ATP13A4: variants seen among roughly 807,000 people sequenced by gnomAD.
ATP13A4 encodes ATPase 13A4.
A neutral mutation model predicts 142.5 loss-of-function variants in ATP13A4; 114 were observed. The ratio of observed to expected loss-of-function variants is 0.80; its 90% CI spans 0.69 to 0.93. ATP13A4 has a LOEUF of 0.93. Ranked by LOEUF, ATP13A4 falls within the 40% of genes least tolerant of loss-of-function variation. The pLI is 0.00. For synonymous variants in ATP13A4, 488 were observed against 514.8 expected, an observed-to-expected ratio of 0.95 and a Z score of 0.70; for missense variants, 1,392 against 1,454.0, an observed-to-expected ratio of 0.96 and a Z score of 0.69.
intron 7 of ATP13A4, 28 bp from the exon 8 acceptor site, chr3:193,484,033 C>A: frequency 6.4e-7 from 1 of 1,558,760 alleles, no homozygotes; most frequent in South Asian, 1.1e-5. Flanking sequence ...ATGGAAAAGT[C>A]TTATCTATTT....
At chr3:193,585,003 T>C (rs1326755050) in intron 1 of ATP13A4, among the ~76,000 whole-genome samples, 1 of 152,234 alleles carries the variant, frequency 6.6e-6, no homozygotes, top group Non-Finnish European at 1.5e-5. Context: ...TAGAGCATCA[T>C]ATAAATGGAT....
At chr3:193,588,289 G>T (rs1243815664) in intron 1 of ATP13A4, among the ~76,000 whole-genome samples, 1 of 152,096 alleles carries the variant, frequency 6.6e-6, no homozygotes, top group Non-Finnish European at 1.5e-5. Context: ...CCATCTCCCT[G>T]TGGAACTCCA....
intron 2 of ATP13A4, among the ~76,000 whole-genome samples, chr3:193,565,423 G>C (rs909394803): frequency 6.6e-6 from 1 of 152,106 alleles, no homozygotes; most frequent in African/African-American, 2.4e-5. Context: ...TTTAATATAA[G>C]GCTACTGGGC....
chr3:193,453,364 A>G (rs1717394741), intron 17 of ATP13A4, among the ~76,000 whole-genome samples: 1 of 152,224 alleles, frequency 6.6e-6, no homozygotes, highest in Non-Finnish European at 1.5e-5. Flanking sequence ...CCTAAATTTA[A>G]AAATGAGCCT....
intron 7 of ATP13A4, among the ~76,000 whole-genome samples, chr3:193,487,098 A>G (rs1299114192): frequency 6.6e-6 from 1 of 152,182 alleles, no homozygotes; most frequent in Non-Finnish European, 1.5e-5. Context: ...AGGATGAGCT[A>G]TCAAAAGAGA....
chr3:193,492,965 A>G lies in ATP13A4; in HGVS notation c.485T>C (p.Ile162Thr), dbSNP rs377726016. 57 of 1,611,476 alleles carry G rather than the reference A, an allele frequency of 3.5e-5. No homozygotes were observed. Among genetic ancestry groups the G allele is most frequent in the Non-Finnish European group, 4.2e-5 (50 of 1,178,296 alleles). ...SLEDWLSSAK[I>T]HQKFGSGLTR... ...CAAGCCTGATCCAAATTTTTGATGTATCTTGGCAGAACTAAGCCAGTCTTC... is the reference window on the plus strand; with the variant it reads ...CAAGCCTGATCCAAATTTTTGATGTGTCTTGGCAGAACTAAGCCAGTCTTC... Residue 162 changes from isoleucine (I) to threonine (T), a missense_variant, in exon 5 of 30, where the codon ATA becomes ACA. Physicochemically the swap from Ile to Thr is moderately conservative, Grantham distance 89 (BLOSUM62 -1). Coordinates refer to ENST00000342695, the MANE Select transcript of ATP13A4 (RefSeq NM_032279.4).
intron 1 of ATP13A4, among the ~76,000 whole-genome samples, chr3:193,541,204 G>A (rs190682124): frequency 4.4e-5 from 6 of 137,894 alleles, no homozygotes; most frequent in African/African-American, 1.3e-4. Context: ...AGCCGAGATC[G>A]AGCCACTGCA....
intron 1 of ATP13A4, among the ~76,000 whole-genome samples, chr3:193,528,268 T>C (rs1722120125): frequency 6.6e-6 from 1 of 152,176 alleles, no homozygotes; most frequent in South Asian, 2.1e-4. Flanking sequence ...TACTGTGCCA[T>C]ATTGATCAAC....
Position 193,412,249 on chromosome 3 carries a change from G to T in ATP13A4, c.3137C>A (p.Thr1046Lys). ...AAGAGCCACAGTGATACAGTTGATT[G>T]TTCCCAAGAACCAGACTGTAGTGTT... ...FENTTVWFLG[T>K]INCITVALVF... The change falls in exon 27 of 30, where the codon ACA (threonine) becomes AAA (lysine). Residue 1046 changes from threonine (T) to lysine (K), a missense_variant. Thr to Lys is a moderately conservative substitution (Grantham distance 78). Transcript: ENST00000342695. 2 of 1,613,488 alleles carry T rather than the reference G, an allele frequency of 1.2e-6. No homozygotes were observed. Among genetic ancestry groups the T allele is most frequent in the Non-Finnish European group, 1.7e-6 (2 of 1,179,422 alleles).
Position 193,489,759 on chromosome 3 carries a change from T to C in ATP13A4, c.709A>G (p.Ile237Val). The change falls in exon 7 of 30, where the codon ATA (isoleucine) becomes GTA (valine). Residue 237 changes from isoleucine to valine, a missense_variant. By Grantham distance (29) the Ile-to-Val change is conservative. Coordinates refer to ENST00000342695, the MANE Select transcript of ATP13A4 (RefSeq NM_032279.4). ...FAIIIMSIIS[I>V]SLTVYDLREQ... ...CTGAGATCATATACTGTCAAAGATATGGAAATTATGGACATGATTATGATG... is the reference window on the plus strand; with the variant it reads ...CTGAGATCATATACTGTCAAAGATACGGAAATTATGGACATGATTATGATG... 1 of 1,610,680 alleles carries C rather than the reference T, an allele frequency of 6.2e-7. No homozygotes were observed.
intron 2 of ATP13A4, chr3:193,579,511 C>T (rs1424639331): frequency 1.5e-5 from 2 of 137,182 alleles, no homozygotes; most frequent in Non-Finnish European, 3.2e-5. Context: ...ATATATATTC[C>T]TATTCTTACT....
chr3:193,557,513 C>T (rs1162951978), upstream of ATP13A4, among the ~76,000 whole-genome samples: 1 of 152,236 alleles, frequency 6.6e-6, no homozygotes, highest in Admixed American at 6.5e-5. Context: ...CACTGTTGCA[C>T]ACAATCCTGA....
rs1553848419 is a variant in ATP13A4, at chr3:193,483,458, G to GT, written c.808+477dup. 1.4e-4 allele frequency among the ~76,000 whole-genome samples: 22 copies of GT among 152,080 alleles called. No homozygotes were observed. In the South Asian group the frequency reaches 2.7e-3, roughly 19 times the overall value. ...CCCCAATAAAGTAGTTTTTTTGTTT[G>GT]TTTGTTTTGTTTTGTTTTGTTTTTG... On this transcript the variant is annotated intron_variant, in intron 8 of 29. Transcript: ENST00000342695.
At chr3:193,468,196 A>G (rs1718416425) in intron 9 of ATP13A4, among the ~76,000 whole-genome samples, 1 of 151,998 alleles carries the variant, frequency 6.6e-6, no homozygotes, top group Non-Finnish European at 1.5e-5. Flanking sequence ...AAATAAATAA[A>G]TAATAAATAA....
chr3:193,433,791 A>G, intron 25 of ATP13A4, 54 bp downstream of exon 25: 2 of 1,313,272 alleles, frequency 1.5e-6, no homozygotes, highest in South Asian at 2.4e-5. Context: ...TCCAAGGCAG[A>G]GGGAGGGCAG....
At chr3:193,440,910 G>A (rs747012048) in intron 20 of ATP13A4, among the ~76,000 whole-genome samples, 12 of 152,044 alleles carry the variant, frequency 7.9e-5, no homozygotes, top group African/African-American at 7.2e-5. Flanking sequence ...CAGCTGTCAC[G>A]GGGAATGTGG....
At chr3:193,522,019 C>T (rs2108691532) in intron 1 of ATP13A4, among the ~76,000 whole-genome samples, 1 of 152,214 alleles carries the variant, frequency 6.6e-6, no homozygotes, top group Middle Eastern at 3.4e-3. Flanking sequence ...GTGGACCTGT[C>T]ATAATTACCC....
At chr3:193,464,527 T>A (rs1314302538) in intron 12 of ATP13A4, among the ~76,000 whole-genome samples, 1 of 152,226 alleles carries the variant, frequency 6.6e-6, no homozygotes, top group Admixed American at 6.5e-5. Flanking sequence ...AAACTCTTCC[T>A]TTTTTATTTG....
Position 193,402,583 on chromosome 3 carries a change from TA to T in ATP13A4, c.*68del. 1 of 777,390 alleles carries T rather than the reference TA, an allele frequency of 1.3e-6. No individual in the cohort carries two copies. The highest frequency in any genetic ancestry group is 2.4e-6 in the Non-Finnish European group (1 of 421,566). The allele number at this position is 777,390 out of a possible 1,614,324, so 48.2% of individuals were successfully genotyped here. On this transcript the variant is annotated 3_prime_UTR_variant, in exon 30 of 30. Transcript: ENST00000342695. ...CTGATGTTACAAGAGTCTCATTTCT[TA>T]AAATCAATGAAACTGGTCCCTTTTG...
Sources: allele counts gnomAD v4.1 joint callset (sites outside exome capture counted in the v4.1 genomes callset), GRCh38; gene constraint gnomAD v4.1.1; transcripts MANE v1.5; gene names NCBI Gene and HGNC (gene_info 2026-07-23, HGNC 2026-07-21).